Variants in CNTNAP5 observed in about 807,000 individuals in gnomAD.
CNTNAP5 encodes contactin-associated protein-like 5.
A neutral mutation model predicts 150.2 loss-of-function variants in CNTNAP5; 72 were observed. The ratio of observed to expected loss-of-function variants is 0.48; its 90% CI spans 0.40 to 0.58. CNTNAP5 has a LOEUF of 0.58. CNTNAP5 is among the 20% of genes least tolerant of loss of function. The pLI, the probability that CNTNAP5 is intolerant of heterozygous loss-of-function variation, is 0.00. For missense variants in CNTNAP5, 1,636 were observed against 1,626.2 expected (o/e 1.01, Z -0.10); for synonymous variants, 672 against 619.8 (o/e 1.08, Z -1.25).
intron 13 of CNTNAP5, among the ~76,000 whole-genome samples, chr2:124,687,743 A>G (rs1197961971): frequency 6.6e-6 from 1 of 151,738 alleles, no homozygotes; most frequent in African/African-American, 2.4e-5. Flanking sequence ...ACTTTCTCTC[A>G]GGCAAAAACC....
intron 7 of CNTNAP5, among the ~76,000 whole-genome samples, chr2:124,475,926 T>C (rs539764459): frequency 2.7e-4 from 41 of 152,206 alleles, no homozygotes; most frequent in Non-Finnish European, 5.1e-4. Flanking sequence ...GTTTATTTTG[T>C]TTCCTGGGTT....
At chr2:124,733,859 G>T (rs1680326925) in intron 13 of CNTNAP5, among the ~76,000 whole-genome samples, 1 of 152,170 alleles carries the variant, frequency 6.6e-6, no homozygotes, top group African/African-American at 2.4e-5. Context: ...TGCAAAGAAA[G>T]CTTTGATGGG....
At chr2:124,565,223 G>T (rs1695990031) in intron 11 of CNTNAP5, among the ~76,000 whole-genome samples, 1 of 152,172 alleles carries the variant, frequency 6.6e-6, no homozygotes, top group Non-Finnish European at 1.5e-5. Flanking sequence ...GAGTGATGTG[G>T]TTATTGCTGT....
At chr2:124,897,545 G>C (rs1345950886) in intron 21 of CNTNAP5, among the ~76,000 whole-genome samples, 1 of 151,564 alleles carries the variant, frequency 6.6e-6, no homozygotes, top group Non-Finnish European at 1.5e-5. Flanking sequence ...TCATGTCTGA[G>C]CAAGTTAGCT....
intron 21 of CNTNAP5, among the ~76,000 whole-genome samples, chr2:124,876,884 C>T (rs977382004): frequency 1.3e-4 from 20 of 152,030 alleles, no homozygotes; most frequent in African/African-American, 3.4e-4. Context: ...TTTGACCTTC[C>T]GCATCATGAA....
intron 19 of CNTNAP5, among the ~76,000 whole-genome samples, chr2:124,859,487 G>A (rs1234961742): frequency 2.0e-5 from 3 of 152,182 alleles, no homozygotes; most frequent in African/African-American, 7.2e-5. Context: ...CAACCATTGT[G>A]GAAGTCATTG....
At chr2:124,382,530 G>T (rs1690822308) in intron 3 of CNTNAP5, among the ~76,000 whole-genome samples, 1 of 152,086 alleles carries the variant, frequency 6.6e-6, no homozygotes, top group Non-Finnish European at 1.5e-5. Context: ...GTTGGAAAAA[G>T]CAGCTTAAAT....
intron 11 of CNTNAP5, among the ~76,000 whole-genome samples, chr2:124,565,952 C>T (rs1294851120): frequency 4.2e-5 from 6 of 144,150 alleles, no homozygotes; most frequent in Non-Finnish European, 7.5e-5. Context: ...TTGAGGGATC[C>T]TTTTTTTTTT....
chr2:124,681,680 C>T (rs1229976868), intron 13 of CNTNAP5, among the ~76,000 whole-genome samples: 1 of 152,226 alleles, frequency 6.6e-6, no homozygotes, highest in African/African-American at 2.4e-5. Flanking sequence ...TCGCCTGCCT[C>T]AGCCTCCTGA....
chr2:124,614,484 T>C (rs980158930), intron 12 of CNTNAP5, among the ~76,000 whole-genome samples: 2 of 152,204 alleles, frequency 1.3e-5, no homozygotes, highest in Non-Finnish European at 2.9e-5. Flanking sequence ...CTGGATTATA[T>C]GCTAAACAAG....
chr2:124,583,854 C>T (rs1460526339), intron 11 of CNTNAP5, among the ~76,000 whole-genome samples: 1 of 152,092 alleles, frequency 6.6e-6, no homozygotes. Flanking sequence ...TGTGACAAAG[C>T]CCCCCAGCTT....
intron 1 of CNTNAP5, among the ~76,000 whole-genome samples, chr2:124,220,137 A>G (rs777066315): frequency 1.1e-4 from 17 of 151,654 alleles, no homozygotes; most frequent in Non-Finnish European, 2.1e-4. Context: ...TACTATGTAA[A>G]TGTTCTTTAA....
At chr2:124,771,225 T>C (rs1277937709) in intron 16 of CNTNAP5, among the ~76,000 whole-genome samples, 1 of 152,124 alleles carries the variant, frequency 6.6e-6, no homozygotes, top group Non-Finnish European at 1.5e-5. Flanking sequence ...CCATTTCCTA[T>C]TTTAGGGGGT....
chr2:124,160,375 A>C (rs1297047258), intron 1 of CNTNAP5, among the ~76,000 whole-genome samples: 1 of 152,166 alleles, frequency 6.6e-6, no homozygotes, highest in African/African-American at 2.4e-5. Context: ...GAAATAAAGA[A>C]ATACAAATCT....
intron 3 of CNTNAP5, among the ~76,000 whole-genome samples, chr2:124,367,848 G>T (rs1466922369): frequency 6.6e-6 from 1 of 152,184 alleles, no homozygotes; most frequent in Non-Finnish European, 1.5e-5. Context: ...CTTATAGAAA[G>T]AAATCAGTTC....
At chr2:124,425,641 T>A (rs57373088) in intron 4 of CNTNAP5, among the ~76,000 whole-genome samples, 2 of 152,050 alleles carry the variant, frequency 1.3e-5, no homozygotes, top group African/African-American at 4.8e-5. Context: ...TAGAGTTCTA[T>A]TCCATTTCAT....
chr2:124,777,779 G>A (rs1681358557), intron 17 of CNTNAP5, among the ~76,000 whole-genome samples: 1 of 75,038 alleles, frequency 1.3e-5, no homozygotes, highest in African/African-American at 7.7e-5. Flanking sequence ...GGAGGGATGT[G>A]TGTGTGTGTG....
chr2:124,402,754 A>G (rs1691461544), intron 3 of CNTNAP5, among the ~76,000 whole-genome samples: 1 of 152,250 alleles, frequency 6.6e-6, no homozygotes, highest in South Asian at 2.1e-4. Flanking sequence ...CACTTATGAT[A>G]TAATAGACCC....
At chr2:124,254,095 T>C (rs1468118512) in intron 3 of CNTNAP5, among the ~76,000 whole-genome samples, 2 of 152,082 alleles carry the variant, frequency 1.3e-5, no homozygotes, top group Admixed American at 1.3e-4. Flanking sequence ...AAAACCTACA[T>C]TAGAGCAGTA....
Sources: allele counts gnomAD v4.1 joint callset (sites outside exome capture counted in the v4.1 genomes callset), GRCh38; gene constraint gnomAD v4.1.1; transcripts MANE v1.5; gene names NCBI Gene and HGNC (gene_info 2026-07-23, HGNC 2026-07-21).